Variants in MYO15A observed in about 807,000 individuals in gnomAD.
The protein encoded by MYO15A is unconventional myosin-XV.
MYO15A carries 308 observed loss-of-function variants against 394.6 expected under a neutral mutation model. That is an observed-to-expected ratio of 0.78 (90% CI 0.71 to 0.86). The LOEUF is 0.86. Among genes scored for constraint, MYO15A ranks in the 40% least tolerant of loss-of-function variants. The pLI, the probability that MYO15A is intolerant of heterozygous loss-of-function variation, is 0.00. For synonymous variants in MYO15A, 1,957 were observed against 2,003.8 expected (o/e 0.98, Z 0.62); for missense variants, 4,606 against 4,799.1 (o/e 0.96, Z 1.19).
chr17:18,151,769 A>G (rs1480452980), intron 40 of MYO15A, 77 bp from the exon 41 acceptor site: 3 of 1,390,486 alleles, frequency 2.2e-6, no homozygotes, highest in Non-Finnish European at 3.0e-6. Context: ...GAGGAGGAGG[A>G]AGTTTCCTAC....
Position 18,119,455 on chromosome 17 carries a change from T to G in MYO15A, c.655T>G (p.Ser219Ala), listed in dbSNP as rs886052666. The change falls in exon 2 of 66, where the codon TCC (serine) becomes GCC (alanine). Residue 219 changes from serine (S) to alanine (A), a missense_variant. Physicochemically the swap from Ser to Ala is moderately conservative, Grantham distance 99 (BLOSUM62 1). Transcript: ENST00000647165. ...CGAGGCCCCATTCCATCACTCGGGC[T>G]CCCGCAAGTCGCTGTACGGGCTTGA... is the stretch of plus-strand genomic sequence containing the variant. ...EDEAPFHHSG[S>A]RKSLYGLEGF... 1 of 1,612,612 alleles carries G rather than the reference T, an allele frequency of 6.2e-7. No individual in the cohort carries two copies. The highest frequency in any genetic ancestry group is 8.5e-7 in the Non-Finnish European group (1 of 1,179,978).
At position 18,143,751 on chromosome 17, in the gene MYO15A, C is replaced by T. The variant is rs1424465080; in HGVS notation, c.6001C>T (p.Leu2001=). ...GCGGGAGGTAGTCGCTGTGGGGCAC[C>T]TGGAGGTACCGGCTGAGCTGGCTGG... ...SKREVVAVGH[L]EVPAELAGLL... Residue 2001 remains leucine (L), a synonymous_variant, in exon 27 of 66, where the codon CTG becomes TTG. Transcript: ENST00000647165. 1.6e-5 allele frequency: 25 copies of T among 1,599,388 alleles called. No individual in the cohort carries two copies. The highest frequency in any genetic ancestry group is 1.3e-5 in the African/African-American group (1 of 74,654).
chr17:18,144,673 G>T, intron 29 of MYO15A, 81 bp downstream of exon 29: 1 of 1,407,356 alleles, frequency 7.1e-7, no homozygotes. Flanking sequence ...AGTCTTCCCA[G>T]CCCTCCCCAA....
In MYO15A at chr17:18,166,490, A is replaced by G. The variant is rs1199726705; in HGVS notation, c.9917A>G (p.Asn3306Ser). Residue 3306 changes from asparagine to serine, a missense_variant, in exon 61 of 66, where the codon AAT becomes AGT. Physicochemically the swap from Asn to Ser is conservative, Grantham distance 46 (BLOSUM62 1). Transcript: ENST00000647165. ...TGGGATCAGCCACTCAAGTTCGAGAATGAGCTATATGTGACCATGCACTAC... is the reference window on the plus strand; with the variant it reads ...TGGGATCAGCCACTCAAGTTCGAGAGTGAGCTATATGTGACCATGCACTAC... ...VLWDQPLKFE[N>S]ELYVTMHYNQ... The G allele has an allele frequency of 5.6e-6, 9 of 1,613,744 alleles. No homozygotes were observed. In the South Asian group the frequency reaches 7.7e-5, roughly 14 times the overall value.
At chr17:18,138,298 C>A in intron 17 of MYO15A, 52 bp downstream of exon 17, 1 of 1,592,336 alleles carries the variant, frequency 6.3e-7, no homozygotes, top group Non-Finnish European at 8.5e-7. Flanking sequence ...CTCTCAGCCT[C>A]ATGTCCTCAT....
chr17:18,153,855 G>C lies in MYO15A; in HGVS notation c.8047G>C (p.Gly2683Arg), dbSNP rs554073560. 6.2e-7 allele frequency: 1 copy of C among 1,613,476 alleles called. No individual in the cohort carries two copies. The highest frequency in any genetic ancestry group is 1.3e-5 in the African/African-American group (1 of 74,888). Residue 2683 changes from glycine (G) to arginine (R), a missense_variant, in exon 43 of 66, where the codon GGC (glycine) becomes CGC (arginine). Coordinates refer to ENST00000647165, the MANE Select transcript of MYO15A (RefSeq NM_016239.4). The surrounding 1 kb of genome is among the most constrained non-coding windows in gnomAD (Gnocchi z 4.1). ...CCGCCTCATCAATCCCAACTTCTACGGCTATCAGGACGCCCCCTGGAAGAT... is the reference window on the plus strand; with the variant it reads ...CCGCCTCATCAATCCCAACTTCTACCGCTATCAGGACGCCCCCTGGAAGAT... The part of the protein sequence containing the change: ...LHRLINPNFY[G>R]YQDAPWKIFL...
intron 42 of MYO15A, among the ~76,000 whole-genome samples, chr17:18,152,951 ACCACCCTGCTTTACTG>A (rs1380736011): frequency 6.6e-6 from 1 of 152,152 alleles, no homozygotes; most frequent in Non-Finnish European, 1.5e-5. Flanking sequence ...TCCATCCTAA[ACCACCCTGCTTTACTG>A]CCACCCCAGC....
Position 18,121,731 on chromosome 17 carries a change from G to T in MYO15A, c.2931G>T (p.Gln977His). The T allele has an allele frequency of 6.2e-7, 1 of 1,600,178 alleles. No individual in the cohort carries two copies. The highest frequency in any genetic ancestry group is 8.5e-7 in the Non-Finnish European group (1 of 1,172,052). Residue 977 changes from glutamine to histidine, a missense_variant, in exon 2 of 66, where the codon CAG (glutamine) becomes CAT (histidine). Gln to His is a conservative substitution (Grantham distance 24). Around this residue, in one of 2 missense-constraint regions of MYO15A, gnomAD observed 1,830 missense variants for 1,689.7 expected, o/e 1.08. Transcript: ENST00000647165. The surrounding 1 kb of genome is among the most constrained non-coding windows in gnomAD (Gnocchi z 5.3). Reference protein sequence around the residue: ...LLGPVPSPTLQPEDPAADMTR... With the variant: ...LLGPVPSPTLHPEDPAADMTR... ...GCCCTGTGCCATCCCCCACCCTCCA[G>T]CCTGAGGATCCAGCTGCTGATATGA... is the stretch of plus-strand genomic sequence containing the variant.
rs764266710 is a variant in MYO15A at position 18,141,669 on chromosome 17, G to A, written c.5548G>A (p.Ala1850Thr). The change falls in exon 23 of 66, where the codon GCC becomes ACC. Residue 1850 changes from alanine (A) to threonine (T), a missense_variant. Ala to Thr is a moderately conservative substitution (Grantham distance 58). Coordinates refer to ENST00000647165, the MANE Select transcript of MYO15A (RefSeq NM_016239.4). ...CCCTACCAGGTACTGCTGTCTAGTG[G>A]CCCTCAAGCATGACCTGCCGGCTAA... ...GFIDRYCCLV[A>T]LKHDLPANGD... The A allele has an allele frequency of 1.5e-5, 24 of 1,613,896 alleles. No homozygotes were observed. The highest frequency in any genetic ancestry group is 1.9e-5 in the Non-Finnish European group (23 of 1,179,998).
chr17:18,167,944 G>C (rs549056772), intron 62 of MYO15A, among the ~76,000 whole-genome samples: 1 of 152,320 alleles, frequency 6.6e-6, no homozygotes, highest in East Asian at 1.9e-4. Context: ...GCTTCTGGCT[G>C]GTATTATTAG....
rs1567645749 is a variant in MYO15A, at chr17:18,142,750, A to G, written c.5826-6A>G. ...AATCCCTGACCTCCCCACTACCCCAACCCAGGCAACGCTATCAGCAGATGA... is the reference window on the plus strand; with the variant it reads ...AATCCCTGACCTCCCCACTACCCCAGCCCAGGCAACGCTATCAGCAGATGA... On this transcript the variant is annotated splice_polypyrimidine_tract_variant and splice_region_variant and intron_variant, in intron 24 of 65. Transcript: ENST00000647165. 1.2e-6 allele frequency: 2 copies of G among 1,613,022 alleles called. No individual in the cohort carries two copies. Among genetic ancestry groups the G allele is most frequent in the Non-Finnish European group, 1.7e-6 (2 of 1,179,684 alleles).
chr17:18,158,674 AGGGTGCTGGGCTTCTT>A, intron 52 of MYO15A, 36 bp downstream of exon 52: 1 of 1,601,816 alleles, frequency 6.2e-7, no homozygotes, highest in Non-Finnish European at 8.6e-7. Context: ...CCACAGTGGG[AGGGTGCTGGGCTTCTT>A]GCTGCCATCC....
intron 34 of MYO15A, 31 bp from the exon 35 acceptor site, chr17:18,149,455 G>A: frequency 6.2e-7 from 1 of 1,614,198 alleles, no homozygotes; most frequent in Non-Finnish European, 8.5e-7. Context: ...CAAGAAAAAA[G>A]AACTTGACAT....
At chr17:18,157,421 G>T (rs557524508) in intron 50 of MYO15A, 191 bp downstream of exon 50, 3 of 922,294 alleles carry the variant, frequency 3.3e-6, no homozygotes, top group South Asian at 1.4e-5. Flanking sequence ...TGCCTGAGGG[G>T]TCTCCGTGGG....
intron 18 of MYO15A, 93 bp from the exon 19 acceptor site, chr17:18,139,441 T>C: frequency 7.2e-7 from 1 of 1,383,664 alleles, no homozygotes; most frequent in Non-Finnish European, 1.0e-6. Flanking sequence ...GCTGGAGGGG[T>C]GGGGACCATA....
chr17:18,162,779 C>G, intron 58 of MYO15A, 100 bp downstream of exon 58: 4 of 1,242,242 alleles, frequency 3.2e-6, no homozygotes, highest in Non-Finnish European at 4.6e-6. Context: ...GCGGGCAGAT[C>G]ACCTGAGGTC....
rs1948871503 is a variant in MYO15A at position 18,147,281 on chromosome 17, G to A, written c.6510-748G>A. ...TACAGAATCTTGCTTAGGCCAGCAT[G>A]CAGCAAATGGACATCACCTGGCCAG... On this transcript the variant is annotated intron_variant, in intron 30 of 65. Coordinates refer to ENST00000647165, the MANE Select transcript of MYO15A (RefSeq NM_016239.4). The surrounding 1 kb of genome is among the most constrained non-coding windows in gnomAD (Gnocchi z 4.4). Among the ~76,000 whole-genome samples, 1 of 152,238 alleles carries A rather than the reference G, an allele frequency of 6.6e-6. No homozygotes were observed. The highest frequency in any genetic ancestry group is 6.5e-5 in the Admixed American group (1 of 15,292).
rs965855277 is a variant in MYO15A, at chr17:18,158,449, C to A, written c.8968-74C>A. 9 of 1,335,630 alleles carry A rather than the reference C, an allele frequency of 6.7e-6. No individual in the cohort carries two copies. In the Admixed American group the frequency reaches 1.6e-4, roughly 23 times the overall value. 82.7% of individuals were successfully genotyped at this position (1,335,630 alleles called of 1,614,324 possible). On this transcript the variant is annotated intron_variant, in intron 51 of 65. Coordinates refer to ENST00000647165, the MANE Select transcript of MYO15A (RefSeq NM_016239.4). ...TCTGGGTCCAGTCAGCTAGGGGTTG[C>A]GTTGTCAGTTTTGACCGAAGGGCTA...
In MYO15A at chr17:18,147,465, T is replaced by TG. The variant is rs998080423; in HGVS notation, c.6510-559dup. Among the ~76,000 whole-genome samples, 3 of 152,042 alleles carry TG rather than the reference T, an allele frequency of 2.0e-5. No individual in the cohort carries two copies. Among genetic ancestry groups the TG allele is most frequent in the African/African-American group, 7.3e-5 (3 of 41,364 alleles). On this transcript the variant is annotated intron_variant, in intron 30 of 65. Transcript: ENST00000647165. This position sits in a 1 kb window ranked among gnomAD's most constrained non-coding sequence, Gnocchi z 4.4. Reference sequence around the variant, plus strand: ...GCTTAGCTGCAGGAGATGTAGGATGTGGGGGTGAGGGAAGCATGAGGAATG... The same window carrying TG: ...GCTTAGCTGCAGGAGATGTAGGATGTGGGGGGTGAGGGAAGCATGAGGAATG...
Sources: gnomAD v4.1 joint callset for allele counts (sites outside exome capture counted in the v4.1 genomes callset) on GRCh38, gnomAD v4.1.1 for gene constraint, gnomAD v4.1.1 regional missense constraint, Gnocchi (gnomAD v3.1) non-coding constraint, MANE v1.5 for transcripts, NCBI Gene and HGNC (gene_info 2026-07-23, HGNC 2026-07-21) for gene names.